Variants in SMYD3 observed in about 807,000 individuals in gnomAD.
The protein encoded by SMYD3 is SET and MYND domain containing 3, also known as histone-lysine N-methyltransferase SMYD3.
SMYD3 carries 36 observed loss-of-function variants against 57.7 expected under a neutral mutation model. The ratio of observed to expected loss-of-function variants is 0.62; its 90% CI spans 0.48 to 0.82. SMYD3 has a LOEUF of 0.82. Ranked by LOEUF, SMYD3 falls within the 40% of genes least tolerant of loss-of-function variation. The pLI, the probability that SMYD3 is intolerant of heterozygous loss-of-function variation, is 0.00. For missense variants in SMYD3, 515 were observed against 538.8 expected (o/e 0.96, Z 0.44); for synonymous variants, 211 against 195.0 (o/e 1.08, Z -0.68).
intron 5 of SMYD3, among the ~76,000 whole-genome samples, chr1:246,024,982 A>T (rs939171945): frequency 6.6e-6 from 1 of 151,510 alleles, no homozygotes; most frequent in East Asian, 1.9e-4. Flanking sequence ...CTAGGAAGGG[A>T]GATACAGCAA....
intron 5 of SMYD3, among the ~76,000 whole-genome samples, chr1:246,270,072 G>A (rs576742894): frequency 2.6e-5 from 4 of 152,148 alleles, no homozygotes; most frequent in South Asian, 4.2e-4. Flanking sequence ...ATAACATTAC[G>A]ACAAACAAGG....
intron 9 of SMYD3, among the ~76,000 whole-genome samples, chr1:245,861,632 T>C (rs1572535092): frequency 6.6e-6 from 1 of 152,334 alleles, no homozygotes; most frequent in East Asian, 1.9e-4. Flanking sequence ...ATGCATGTTC[T>C]GCGCGTCTGC....
intron 10 of SMYD3, chr1:245,789,053 A>C (rs966293914): frequency 5.9e-5 from 9 of 152,202 alleles, no homozygotes; most frequent in Admixed American, 2.0e-4. Flanking sequence ...TTTGAAGGTG[A>C]AGTCAAGAAC....
At chr1:246,029,446 C>A (rs1318605892) in intron 5 of SMYD3, among the ~76,000 whole-genome samples, 1 of 151,852 alleles carries the variant, frequency 6.6e-6, no homozygotes, top group African/African-American at 2.4e-5. Context: ...CAGAGGCGGG[C>A]AGATCACCTG....
intron 5 of SMYD3, among the ~76,000 whole-genome samples, chr1:246,084,195 C>CTT (rs772938424): frequency 0.015 from 2,033 of 135,438 alleles, 53 homozygotes; most frequent in African/African-American, 0.052. Context: ...CTGACAATTC[C>CTT]TTTTTTTTTT....
intron 10 of SMYD3, among the ~76,000 whole-genome samples, chr1:245,765,013 G>A (rs1361564292): frequency 1.4e-5 from 2 of 147,706 alleles, no homozygotes; most frequent in African/African-American, 5.0e-5. Flanking sequence ...AGCCCCCGCT[G>A]TATATGCAGA....
chr1:246,466,396 G>A (rs1019718266), intron 1 of SMYD3, among the ~76,000 whole-genome samples: 6 of 152,134 alleles, frequency 3.9e-5, no homozygotes, highest in African/African-American at 1.2e-4. Flanking sequence ...TGGAGCTGGA[G>A]GCCATCATCC....
chr1:246,469,250 C>T (rs1431848360), intron 1 of SMYD3, among the ~76,000 whole-genome samples: 3 of 152,222 alleles, frequency 2.0e-5, no homozygotes, highest in South Asian at 4.1e-4. Context: ...GTCTCACCAA[C>T]GACTTCTTCA....
intron 10 of SMYD3, among the ~76,000 whole-genome samples, chr1:245,770,724 CTT>C (rs2046300166): frequency 6.6e-6 from 1 of 152,082 alleles, no homozygotes; most frequent in African/African-American, 2.4e-5. Context: ...CATACACAGA[CTT>C]TAAAATAGCT....
At chr1:245,814,855 C>T (rs1422117695) in intron 10 of SMYD3, among the ~76,000 whole-genome samples, 1 of 146,856 alleles carries the variant, frequency 6.8e-6, no homozygotes, top group Non-Finnish European at 1.5e-5. Context: ...CACGCACACA[C>T]ACGCAAGCAC....
At chr1:246,380,015 AAAAG>A (rs566470844) in intron 1 of SMYD3, among the ~76,000 whole-genome samples, 5,910 of 151,618 alleles carry the variant, frequency 0.039, 367 homozygotes, top group African/African-American at 0.14. Flanking sequence ...CTCAAAAAAA[AAAAG>A]AAAGAAAGAA....
At chr1:245,838,589 G>T (rs1198533696) in intron 10 of SMYD3, among the ~76,000 whole-genome samples, 1 of 152,152 alleles carries the variant, frequency 6.6e-6, no homozygotes, top group Non-Finnish European at 1.5e-5. Context: ...CTAACATTTT[G>T]TATACCTTCT....
intron 5 of SMYD3, among the ~76,000 whole-genome samples, chr1:246,141,210 A>C (rs1471136852): frequency 1.3e-5 from 2 of 151,988 alleles, no homozygotes; most frequent in African/African-American, 4.8e-5. Flanking sequence ...ACTTGAACCC[A>C]AAAGTATCTG....
rs187472748 is a variant in SMYD3, at chr1:245,917,356, G to C, written c.703-1716C>G. On this transcript the variant is annotated intron_variant, in intron 7 of 11. Transcript: ENST00000490107. ...TTTTTCTAATAATTTATTTTCACTA[G>C]ATTTTATAAAAATACTGGTCTGCAA... Among the ~76,000 whole-genome samples the C allele has an allele frequency of 1.1e-4, 17 of 152,288 alleles. 1 individual carries two copies. Among genetic ancestry groups the C allele is most frequent in the Admixed American group, 4.6e-4 (7 of 15,298 alleles).
At chr1:246,377,791 G>C (rs2066304387) in intron 1 of SMYD3, among the ~76,000 whole-genome samples, 1 of 152,190 alleles carries the variant, frequency 6.6e-6, no homozygotes, top group Non-Finnish European at 1.5e-5. Context: ...ATTCCTAGAA[G>C]TAAAACTGCT....
chr1:246,311,720 G>T (rs2065083472), intron 5 of SMYD3, among the ~76,000 whole-genome samples: 1 of 152,208 alleles, frequency 6.6e-6, no homozygotes, highest in Non-Finnish European at 1.5e-5. Flanking sequence ...ATTGTCATTT[G>T]CTTTCATGAC....
chr1:246,108,106 A>G (rs1017095042), intron 5 of SMYD3, among the ~76,000 whole-genome samples: 2 of 152,210 alleles, frequency 1.3e-5, no homozygotes, highest in African/African-American at 4.8e-5. Flanking sequence ...GGGTTAAGAA[A>G]CAAAGGTCTT....
At chr1:245,884,308 T>C (rs1235663633) in intron 8 of SMYD3, among the ~76,000 whole-genome samples, 2 of 152,280 alleles carry the variant, frequency 1.3e-5, no homozygotes, top group Non-Finnish European at 2.9e-5. Flanking sequence ...TAATCGAGGA[T>C]GCAGACACAC....
intron 5 of SMYD3, among the ~76,000 whole-genome samples, chr1:246,005,600 G>A (rs537602445): frequency 1.3e-5 from 2 of 152,324 alleles, no homozygotes; most frequent in African/African-American, 4.8e-5. Context: ...GCAGGGCCTA[G>A]GAAACAGGTC....
Sources: gnomAD v4.1 joint callset for allele counts (sites outside exome capture counted in the v4.1 genomes callset) on GRCh38, gnomAD v4.1.1 for gene constraint, MANE v1.5 for transcripts, NCBI Gene and HGNC (gene_info 2026-07-23, HGNC 2026-07-21) for gene names.